Variants in MSI2 observed in about 807,000 individuals in gnomAD.
The protein encoded by MSI2 is musashi RNA binding protein 2.
A neutral mutation model predicts 45.6 loss-of-function variants in MSI2; 17 were observed. That is an observed-to-expected ratio of 0.37 (90% CI 0.26 to 0.56). The LOEUF is 0.56. MSI2 is among the 20% of genes least tolerant of loss of function. MSI2 has a pLI of 0.77. For missense variants in MSI2, 293 were observed against 444.2 expected, an observed-to-expected ratio of 0.66 and a Z score of 3.06; for synonymous variants, 156 against 158.2, an observed-to-expected ratio of 0.99 and a Z score of 0.11.
the MSI2 span, among the ~76,000 whole-genome samples, chr17:57,700,277 G>A: frequency 6.6e-6 from 1 of 152,244 alleles, no homozygotes; most frequent in Admixed American, 6.5e-5. Context: ...CTTGTGTAAA[G>A]TAGAAATGTA....
At chr17:57,358,593 G>A (rs1916610062) in intron 5 of MSI2, among the ~76,000 whole-genome samples, 1 of 152,134 alleles carries the variant, frequency 6.6e-6, no homozygotes, top group South Asian at 2.1e-4. Context: ...GCGTTTGGAG[G>A]GGGCCTTGGA....
intron 7 of MSI2, among the ~76,000 whole-genome samples, chr17:57,559,604 C>A (rs575219779): frequency 1.3e-5 from 2 of 152,360 alleles, no homozygotes; most frequent in East Asian, 3.9e-4. Context: ...ACTGACCAGG[C>A]AGGCACTGGG....
chr17:57,262,225 A>G (rs1907370761), intron 5 of MSI2, 33 bp downstream of exon 5: 1 of 1,610,708 alleles, frequency 6.2e-7, no homozygotes, highest in Non-Finnish European at 8.5e-7. Context: ...GGATTTTAGC[A>G]CTCAGAGATG....
At chr17:57,610,157 G>GAA (rs946522273) in intron 8 of MSI2, among the ~76,000 whole-genome samples, 2 of 151,284 alleles carry the variant, frequency 1.3e-5, no homozygotes, top group African/African-American at 4.9e-5. Context: ...CTCTCAAATG[G>GAA]AAAAAAAAAT....
chr17:57,515,102 T>C (rs914540990), intron 6 of MSI2, among the ~76,000 whole-genome samples: 5 of 152,238 alleles, frequency 3.3e-5, no homozygotes, highest in African/African-American at 1.2e-4. Context: ...TCAAAACATT[T>C]AAGGTCTGTG....
intron 6 of MSI2, among the ~76,000 whole-genome samples, chr17:57,516,152 C>T (rs912936433): frequency 2.0e-5 from 3 of 152,158 alleles, no homozygotes; most frequent in Admixed American, 6.5e-5. Context: ...TATAATAGAA[C>T]TGTTCCATCA....
chr17:57,663,702 G>A (rs1912169733), intron 11 of MSI2, among the ~76,000 whole-genome samples: 1 of 152,192 alleles, frequency 6.6e-6, no homozygotes, highest in African/African-American at 2.4e-5. Context: ...GTTTTGCTGT[G>A]TCCTTCTGTG....
At chr17:57,628,724 T>A (rs1398999173) in intron 10 of MSI2, 3 of 152,670 alleles carry the variant, frequency 2.0e-5, no homozygotes, top group African/African-American at 7.2e-5. Context: ...CCCCCACCAG[T>A]GTCCCCTGGG....
At chr17:57,510,400 G>GTTTTTTTTTTTTT (rs34773035) in intron 6 of MSI2, among the ~76,000 whole-genome samples, 1 of 148,192 alleles carries the variant, frequency 6.7e-6, no homozygotes, top group Non-Finnish European at 1.5e-5. Context: ...CACTCCTCTT[G>GTTTTTTTTTTTTT]TTTTTTTTTT....
At chr17:57,518,655 G>C (rs557902538) in intron 6 of MSI2, among the ~76,000 whole-genome samples, 1 of 152,204 alleles carries the variant, frequency 6.6e-6, no homozygotes, top group Non-Finnish European at 1.5e-5. Context: ...GAGCTGGCAG[G>C]CTTGGGCCTT....
chr17:57,499,370 T>C lies in MSI2; in HGVS notation c.406-30306T>C, dbSNP rs145193339. Among the ~76,000 whole-genome samples, 153 of 86,714 alleles carry C rather than the reference T, an allele frequency of 1.8e-3. 4 individuals carry two copies. In the East Asian group the frequency reaches 0.021, roughly 12 times the overall value. The allele number at this position is 86,714 out of a possible 152,430, so 56.9% of individuals were successfully genotyped here. On this transcript the variant is annotated intron_variant, in intron 6 of 13. Coordinates refer to ENST00000284073, the MANE Select transcript of MSI2 (RefSeq NM_138962.4). ...CAGCCTGGGCAACAGAGTAAGATTCTGTCTTAAAAAAAAAAAAAAAAAAGG... is the reference window on the plus strand; with the variant it reads ...CAGCCTGGGCAACAGAGTAAGATTCCGTCTTAAAAAAAAAAAAAAAAAAGG...
chr17:57,329,004 G>A (rs907525482), intron 5 of MSI2, among the ~76,000 whole-genome samples: 3 of 152,136 alleles, frequency 2.0e-5, no homozygotes, highest in Non-Finnish European at 4.4e-5. Context: ...TGAGGCAGGA[G>A]AATCGCTTAA....
intron 6 of MSI2, among the ~76,000 whole-genome samples, chr17:57,517,055 C>T (rs958440514): frequency 3.2e-4 from 48 of 152,346 alleles, no homozygotes; most frequent in African/African-American, 1.1e-3. Flanking sequence ...TTGTTCTCAG[C>T]AGCATTTTCT....
chr17:57,696,304 GGAGCT>G, the MSI2 span, among the ~76,000 whole-genome samples: 2 of 152,196 alleles, frequency 1.3e-5, no homozygotes, highest in South Asian at 4.1e-4. Flanking sequence ...GGCTGAGTGT[GGAGCT>G]GAGAGGAACC....
chr17:57,501,087 A>G (rs546293194), intron 6 of MSI2, among the ~76,000 whole-genome samples: 1 of 152,294 alleles, frequency 6.6e-6, no homozygotes, highest in Non-Finnish European at 1.5e-5. Context: ...ATTTCCCCAT[A>G]AAGAACATTC....
rs1260003274 is a variant in MSI2, at chr17:57,256,555, C to T, written c.-188C>T. ...GCAGCGGGGCTGAGCTAAGCCGAGCCCACGTGTGACGGCTCTCGCCGCTGC... is the reference window on the plus strand; with the variant it reads ...GCAGCGGGGCTGAGCTAAGCCGAGCTCACGTGTGACGGCTCTCGCCGCTGC... On this transcript the variant is annotated 5_prime_UTR_variant, in exon 1 of 14. Coordinates refer to ENST00000284073, the MANE Select transcript of MSI2 (RefSeq NM_138962.4). 2 of 365,660 alleles carry T rather than the reference C, an allele frequency of 5.5e-6. No homozygotes were observed. The highest frequency in any genetic ancestry group is 4.0e-5 in the East Asian group (1 of 25,242). 22.7% of individuals were successfully genotyped at this position (365,660 alleles called of 1,614,324 possible). A position where few individuals can be genotyped will look rare whatever the true frequency, so the allele number is the denominator to read the frequency against.
intron 6 of MSI2, among the ~76,000 whole-genome samples, chr17:57,429,420 A>G (rs2143367129): frequency 6.6e-6 from 1 of 152,308 alleles, no homozygotes; most frequent in South Asian, 2.1e-4. Context: ...ATGACCATCC[A>G]GTGACTCCTG....
chr17:57,498,832 T>C (rs545467827), intron 6 of MSI2, among the ~76,000 whole-genome samples: 1 of 152,224 alleles, frequency 6.6e-6, no homozygotes, highest in Non-Finnish European at 1.5e-5. Flanking sequence ...ATTTGTTATA[T>C]ATGTATACGT....
At chr17:57,580,097 A>C (rs927125232) in intron 7 of MSI2, among the ~76,000 whole-genome samples, 1 of 151,176 alleles carries the variant, frequency 6.6e-6, no homozygotes, top group Admixed American at 6.6e-5. Context: ...CCAGGTGACC[A>C]GCTGTCTCCT....
Sources: allele counts gnomAD v4.1 joint callset (sites outside exome capture counted in the v4.1 genomes callset), GRCh38; gene constraint gnomAD v4.1.1; transcripts MANE v1.5; gene names NCBI Gene and HGNC (gene_info 2026-07-23, HGNC 2026-07-21).